Variants in SYNGR1 observed in about 807,000 individuals in gnomAD.
The protein encoded by SYNGR1 is synaptogyrin 1, also known as synaptogyrin-1.
A neutral mutation model predicts 26.1 loss-of-function variants in SYNGR1; 14 were observed. The ratio of observed to expected loss-of-function variants is 0.54; its 90% CI spans 0.35 to 0.84. SYNGR1 has a LOEUF of 0.84. Ranked by LOEUF, SYNGR1 falls within the 40% of genes least tolerant of loss-of-function variation. SYNGR1 has a pLI of 0.01. For missense variants in SYNGR1, 319 were observed against 332.9 expected (o/e 0.96, Z 0.33); for synonymous variants, 141 against 150.1 (o/e 0.94, Z 0.44).
At position 39,350,086 on chromosome 22, in the gene SYNGR1, A is replaced by G; in HGVS notation, c.76A>G (p.Thr26Ala). 2.0e-6 allele frequency: 3 copies of G among 1,467,848 alleles called. No homozygotes were observed. The highest frequency in any genetic ancestry group is 2.7e-6 in the Non-Finnish European group (3 of 1,097,428). The allele number at this position is 1,467,848 out of a possible 1,614,324, so 90.9% of individuals were successfully genotyped here. A position where few individuals can be genotyped will look rare whatever the true frequency, so the allele number is the denominator to read the frequency against. ...DPYTLVRQPH[T>A]ILRVVSWLFS... Reference sequence around the variant, plus strand: ...CTACACCCTGGTCCGGCAGCCGCACACCATCCTGCGCGTCGTGTCTTGGGT... The same window carrying G: ...CTACACCCTGGTCCGGCAGCCGCACGCCATCCTGCGCGTCGTGTCTTGGGT... The change falls in exon 1 of 4, where the codon ACC becomes GCC. Residue 26 changes from threonine to alanine, a missense_variant. Transcript: ENST00000328933. This position sits in a 1 kb window ranked among gnomAD's most constrained non-coding sequence, Gnocchi z 4.3.
At chr22:39,373,845 C>G (rs1335575091) in intron 1 of SYNGR1, among the ~76,000 whole-genome samples, 3 of 152,214 alleles carry the variant, frequency 2.0e-5, no homozygotes, top group Non-Finnish European at 2.9e-5. Flanking sequence ...GCCTGAGACC[C>G]CAGACCAGCC....
At chr22:39,359,373 G>A (rs1924348633) in intron 1 of SYNGR1, among the ~76,000 whole-genome samples, 1 of 151,872 alleles carries the variant, frequency 6.6e-6, no homozygotes, top group Non-Finnish European at 1.5e-5. Context: ...TGTAATCCTA[G>A]CATTTTGGGA....
intron 1 of SYNGR1, among the ~76,000 whole-genome samples, chr22:39,364,977 C>T (rs549349049): frequency 5.9e-5 from 9 of 152,312 alleles, no homozygotes; most frequent in East Asian, 5.8e-4. Flanking sequence ...ACCAAAGAGG[C>T]TTGGCAGGTT....
chr22:39,357,434 CG>C (rs1924194304), intron 1 of SYNGR1, among the ~76,000 whole-genome samples: 1 of 152,164 alleles, frequency 6.6e-6, no homozygotes, highest in South Asian at 2.1e-4. Context: ...CCTACTTTGG[CG>C]GCATTTGAGG....
At chr22:39,374,050 G>C (rs1430664636) in intron 1 of SYNGR1, among the ~76,000 whole-genome samples, 2 of 152,170 alleles carry the variant, frequency 1.3e-5, no homozygotes, top group Non-Finnish European at 2.9e-5. Flanking sequence ...ACCTGGCTGA[G>C]GGGTGTTGGA....
At chr22:39,373,783 C>T (rs909003468) in intron 1 of SYNGR1, among the ~76,000 whole-genome samples, 2 of 152,176 alleles carry the variant, frequency 1.3e-5, no homozygotes, top group African/African-American at 4.8e-5. Flanking sequence ...ACCCCCAGCC[C>T]ACTGTTATTT....
intron 1 of SYNGR1, among the ~76,000 whole-genome samples, chr22:39,362,053 C>A (rs1388388376): frequency 1.4e-5 from 2 of 143,852 alleles, no homozygotes; most frequent in Non-Finnish European, 3.0e-5. Flanking sequence ...TCACTATGTT[C>A]CCCAGGCTGG....
chr22:39,380,325 A>G (rs78815490), intron 3 of SYNGR1, among the ~76,000 whole-genome samples: 6,434 of 152,238 alleles, frequency 0.042, 470 homozygotes, highest in African/African-American at 0.15. Context: ...CCCAGATAAC[A>G]GTGATTTCAA....
intron 1 of SYNGR1, among the ~76,000 whole-genome samples, chr22:39,371,382 A>G (rs1336515776): frequency 6.6e-6 from 1 of 151,558 alleles, no homozygotes; most frequent in East Asian, 2.0e-4. Flanking sequence ...AGGCTGAGGC[A>G]GGAGAATCGC....
intron 3 of SYNGR1, chr22:39,377,771 T>C (rs1412318307): frequency 1.3e-6 from 2 of 1,567,076 alleles, no homozygotes; most frequent in Non-Finnish European, 1.7e-6. Context: ...GCCAGAAATG[T>C]CCAAGATGCC....
At chr22:39,368,529 C>T (rs1924875611) in intron 1 of SYNGR1, among the ~76,000 whole-genome samples, 1 of 152,230 alleles carries the variant, frequency 6.6e-6, no homozygotes, top group African/African-American at 2.4e-5. Flanking sequence ...ACGGCCCCGC[C>T]CAGTCCCTCC....
chr22:39,378,484 A>G, intron 3 of SYNGR1: 2 of 984,860 alleles, frequency 2.0e-6, no homozygotes, highest in African/African-American at 1.7e-5. Flanking sequence ...CCTCCAAAGG[A>G]TTTTGGTCTC....
chr22:39,377,224 G>C (rs1925323310), intron 3 of SYNGR1: 1 of 1,435,104 alleles, frequency 7.0e-7, no homozygotes, highest in African/African-American at 1.4e-5. Context: ...AGGGCCCCTG[G>C]ATATCCATTT....
At chr22:39,371,140 G>A (rs1215578446) in intron 1 of SYNGR1, among the ~76,000 whole-genome samples, 1 of 152,044 alleles carries the variant, frequency 6.6e-6, no homozygotes, top group Non-Finnish European at 1.5e-5. Flanking sequence ...TACCCATCCT[G>A]GGCATCACCC....
chr22:39,358,016 C>T (rs1280767754), intron 1 of SYNGR1, among the ~76,000 whole-genome samples: 1 of 152,286 alleles, frequency 6.6e-6, no homozygotes, highest in Non-Finnish European at 1.5e-5. Flanking sequence ...GGCAGCTCCA[C>T]CTGCAGCCCC....
chr22:39,382,112 C>A lies in SYNGR1; in HGVS notation c.*198C>A. On this transcript the variant is annotated 3_prime_UTR_variant, in exon 4 of 4. Coordinates refer to ENST00000328933, the MANE Select transcript of SYNGR1 (RefSeq NM_004711.5). ...ACGTATGTGCAAGTATATCCCAGGG[C>A]ATGTGCCCCGCAGGGGCCTAGAGGG... 1.6e-6 allele frequency: 1 copy of A among 640,242 alleles called. No homozygotes were observed. Among genetic ancestry groups the A allele is most frequent in the Non-Finnish European group, 2.7e-6 (1 of 364,194 alleles). 39.7% of individuals were successfully genotyped at this position (640,242 alleles called of 1,614,324 possible).
At chr22:39,362,280 C>A (rs1377014846) in intron 1 of SYNGR1, among the ~76,000 whole-genome samples, 1 of 152,162 alleles carries the variant, frequency 6.6e-6, no homozygotes, top group African/African-American at 2.4e-5. Context: ...CTTGGGGAGG[C>A]AGGGGTCTGC....
chr22:39,378,633 G>T (rs542005745), intron 3 of SYNGR1, among the ~76,000 whole-genome samples: 72 of 152,340 alleles, frequency 4.7e-4, no homozygotes, highest in African/African-American at 1.7e-3. Flanking sequence ...CCCTGCGAGG[G>T]CCTGAGCACA....
chr22:39,353,629 C>G lies in SYNGR1; in HGVS notation c.99+3520C>G, dbSNP rs1186353180. Among the ~76,000 whole-genome samples the G allele has an allele frequency of 2.6e-5, 4 of 152,240 alleles. No homozygotes were observed. In the East Asian group the frequency reaches 7.7e-4, roughly 29 times the overall value. ...CACCCTCTGTGCCTCAGTCTTCCCACCCGAACTGGGCTGGGCTGGGTCAGA... is the reference window on the plus strand; with the variant it reads ...CACCCTCTGTGCCTCAGTCTTCCCAGCCGAACTGGGCTGGGCTGGGTCAGA... On this transcript the variant is annotated intron_variant, in intron 1 of 3. Transcript: ENST00000328933.
Sources: gnomAD v4.1 joint callset for allele counts (sites outside exome capture counted in the v4.1 genomes callset) on GRCh38, gnomAD v4.1.1 for gene constraint, Gnocchi (gnomAD v3.1) non-coding constraint, MANE v1.5 for transcripts, NCBI Gene and HGNC (gene_info 2026-07-23, HGNC 2026-07-21) for gene names.